RALYL: variants seen among roughly 807,000 people sequenced by gnomAD.
RALYL encodes RNA-binding Raly-like protein.
A neutral mutation model predicts 35.1 loss-of-function variants in RALYL; 29 were observed. That is an observed-to-expected ratio of 0.83 (90% CI 0.61 to 1.13). The LOEUF (loss-of-function observed/expected upper bound fraction) is 1.13. Among genes scored for constraint, RALYL ranks in the 50% most tolerant of loss-of-function variants. RALYL has a pLI of 0.00. For missense variants in RALYL, 359 were observed against 360.4 expected (o/e 1.00, Z 0.03); for synonymous variants, 120 against 127.6 (o/e 0.94, Z 0.40).
In RALYL at chr8:84,478,922, T is replaced by TAAAAAAAAAAAAAAAA. The variant is rs1587656659; in HGVS notation, c.-23-50372_-23-50371insAAAAAAAAAAAAAAAA. Among the ~76,000 whole-genome samples, 123 of 85,228 alleles carry TAAAAAAAAAAAAAAAA rather than the reference T, an allele frequency of 1.4e-3. 9 individuals carry two copies. Among genetic ancestry groups the TAAAAAAAAAAAAAAAA allele is most frequent in the East Asian group, 3.8e-3 (9 of 2,348 alleles). 55.9% of individuals were successfully genotyped at this position (85,228 alleles called of 152,430 possible). On this transcript the variant is annotated intron_variant, in intron 1 of 8. Coordinates refer to ENST00000521268, the MANE Select transcript of RALYL (RefSeq NM_173848.7). ...TAACACCGTGAAACCCCGTCTCTAC[T>TAAAAAAAAAAAAAAAA]AAAAATACAAAACATTAGCCGGGCA... is the stretch of plus-strand genomic sequence containing the variant.
chr8:84,238,721 G>A (rs1827173428), intron 1 of RALYL, among the ~76,000 whole-genome samples: 1 of 152,068 alleles, frequency 6.6e-6, no homozygotes, highest in African/African-American at 2.4e-5. Context: ...GTATGAGAGA[G>A]GAGAGGGAAA....
intron 1 of RALYL, among the ~76,000 whole-genome samples, chr8:84,394,581 C>T (rs544136120): frequency 6.6e-6 from 1 of 151,786 alleles, no homozygotes; most frequent in Non-Finnish European, 1.5e-5. Flanking sequence ...TCTATTATTG[C>T]TTAGGCACAT....
intron 2 of RALYL, among the ~76,000 whole-genome samples, chr8:84,697,942 T>C (rs942233152): frequency 3.3e-5 from 5 of 152,118 alleles, no homozygotes; most frequent in African/African-American, 1.2e-4. Context: ...TTTAAAAGCA[T>C]GTATATTTGC....
intron 1 of RALYL, among the ~76,000 whole-genome samples, chr8:84,263,837 T>G (rs911683441): frequency 6.6e-6 from 1 of 152,170 alleles, no homozygotes; most frequent in Non-Finnish European, 1.5e-5. Flanking sequence ...ATTGTTCATC[T>G]CCCACTTATA....
At chr8:84,591,709 T>C (rs1416555215) in intron 2 of RALYL, among the ~76,000 whole-genome samples, 1 of 152,138 alleles carries the variant, frequency 6.6e-6, no homozygotes, top group African/African-American at 2.4e-5. Flanking sequence ...AAAATACTTC[T>C]ACATCGTGAA....
chr8:84,621,062 C>T (rs1335527161), intron 2 of RALYL, among the ~76,000 whole-genome samples: 1 of 152,184 alleles, frequency 6.6e-6, no homozygotes, highest in Non-Finnish European at 1.5e-5. Context: ...TGCCCTGCCC[C>T]CAGAGGTGGA....
chr8:84,703,712 T>A (rs1564402520), intron 2 of RALYL, among the ~76,000 whole-genome samples: 1 of 152,202 alleles, frequency 6.6e-6, no homozygotes, highest in Admixed American at 6.5e-5. Flanking sequence ...TTTATTCATA[T>A]CATAAATATA....
chr8:84,343,783 C>T (rs986158040), intron 1 of RALYL, among the ~76,000 whole-genome samples: 4 of 151,920 alleles, frequency 2.6e-5, no homozygotes, highest in Non-Finnish European at 5.9e-5. Flanking sequence ...GCATGAGCCA[C>T]CACACTGGGC....
chr8:84,716,699 T>C (rs1842989014), intron 2 of RALYL, among the ~76,000 whole-genome samples: 2 of 152,192 alleles, frequency 1.3e-5, no homozygotes, highest in African/African-American at 4.8e-5. Context: ...TGTTTGCTTA[T>C]TCACTATCCA....
intron 2 of RALYL, among the ~76,000 whole-genome samples, chr8:84,568,049 A>T (rs554252149): frequency 1.1e-4 from 17 of 150,170 alleles, no homozygotes; most frequent in South Asian, 4.2e-4. Context: ...GTTTTTTTTT[A>T]AATTTTATTA....
intron 1 of RALYL, among the ~76,000 whole-genome samples, chr8:84,485,259 C>T (rs2133947970): frequency 6.6e-6 from 1 of 152,168 alleles, no homozygotes; most frequent in African/African-American, 2.4e-5. Context: ...ACCTGGGGGC[C>T]TAGCAAACAT....
intron 2 of RALYL, chr8:84,706,178 A>G: frequency 1.1e-6 from 1 of 935,386 alleles, no homozygotes; most frequent in Non-Finnish European, 1.6e-6. Flanking sequence ...AAGATACTGT[A>G]GCTTTTCTCA....
chr8:84,471,397 A>G lies in RALYL; in HGVS notation c.-23-57902A>G, dbSNP rs2052726893. Among the ~76,000 whole-genome samples the G allele has an allele frequency of 1.3e-5, 2 of 151,810 alleles. 1 individual carries two copies. The highest frequency in any genetic ancestry group is 2.9e-5 in the Non-Finnish European group (2 of 67,938). On this transcript the variant is annotated intron_variant, in intron 1 of 8. Coordinates refer to ENST00000521268, the MANE Select transcript of RALYL (RefSeq NM_173848.7). ...CAGGAGTTCTAGACCAGCCTGGACA[A>G]CATAGCAAGACCACATCTGTACACA...
chr8:84,437,803 C>T (rs1443626076), intron 1 of RALYL, among the ~76,000 whole-genome samples: 2 of 152,060 alleles, frequency 1.3e-5, no homozygotes, highest in Non-Finnish European at 1.5e-5. Flanking sequence ...CTTTCTTTCT[C>T]TCGCTTGCAC....
chr8:84,699,877 T>G (rs1054573174), intron 2 of RALYL, among the ~76,000 whole-genome samples: 16 of 152,180 alleles, frequency 1.1e-4, no homozygotes, highest in Non-Finnish European at 1.5e-5. Context: ...TAGCCAACAT[T>G]TATTAAAAAT....
intron 1 of RALYL, among the ~76,000 whole-genome samples, chr8:84,500,082 C>A (rs1445591377): frequency 1.3e-5 from 2 of 152,032 alleles, no homozygotes; most frequent in Non-Finnish European, 2.9e-5. Context: ...TTATTTTCTA[C>A]CACATTTAGG....
At position 84,285,064 on chromosome 8, in the gene RALYL, T is replaced by C. The variant is rs112397712; in HGVS notation, c.-24+100640T>C. On this transcript the variant is annotated intron_variant, in intron 1 of 8. Transcript: ENST00000521268. Reference sequence around the variant, plus strand: ...AAATGAGAGGAGAGAATTATGATTGTATATGATGTTGGAAGGCCAAGGCCT... The same window carrying C: ...AAATGAGAGGAGAGAATTATGATTGCATATGATGTTGGAAGGCCAAGGCCT... 4.0e-4 allele frequency among the ~76,000 whole-genome samples: 61 copies of C among 152,280 alleles called. 1 individual carries two copies. Among genetic ancestry groups the C allele is most frequent in the African/African-American group, 1.4e-3 (60 of 41,572 alleles).
At chr8:84,848,571 GAACA>G (rs2134756611) in intron 4 of RALYL, among the ~76,000 whole-genome samples, 1 of 151,966 alleles carries the variant, frequency 6.6e-6, no homozygotes, top group African/African-American at 2.4e-5. Context: ...AAACACAAAA[GAACA>G]AATATTGTAT....
intron 4 of RALYL, among the ~76,000 whole-genome samples, chr8:84,833,802 C>A (rs1586637943): frequency 6.6e-6 from 1 of 151,772 alleles, no homozygotes. Flanking sequence ...TGCCTTGGTT[C>A]TCTCATATAT....
Sources: gnomAD v4.1 joint callset for allele counts (sites outside exome capture counted in the v4.1 genomes callset) on GRCh38, gnomAD v4.1.1 for gene constraint, MANE v1.5 for transcripts, NCBI Gene and HGNC (gene_info 2026-07-23, HGNC 2026-07-21) for gene names.